The following AOPEP variants were observed in gnomAD, a reference collection of about 807,000 sequenced individuals.
AOPEP encodes the protein aminopeptidase O (putative), also known as aminopeptidase O.
A neutral mutation model predicts 98.1 loss-of-function variants in AOPEP; 77 were observed. That is an observed-to-expected ratio of 0.78 (90% confidence interval 0.65 to 0.95). The LOEUF (loss-of-function observed/expected upper bound fraction) is 0.95. Among genes scored for constraint, AOPEP ranks in the 40% least tolerant of loss-of-function variants. The pLI, the probability that AOPEP is intolerant of heterozygous loss-of-function variation, is 0.00. For missense variants in AOPEP, 1,024 were observed against 1,024.7 expected, an observed-to-expected ratio of 1.00 and a Z score of 0.01; for synonymous variants, 346 against 365.3, an observed-to-expected ratio of 0.95 and a Z score of 0.60.
the AOPEP span, among the ~76,000 whole-genome samples, chr9:95,142,975 G>A: frequency 1.3e-5 from 2 of 152,094 alleles, no homozygotes; most frequent in Admixed American, 1.3e-4. Context: ...ACAGGTTAAG[G>A]GCTCAGTCCC....
Position 94,968,017 on chromosome 9 carries a change from C to T in AOPEP, c.1916+216C>T, listed in dbSNP as rs568659319. Among the ~76,000 whole-genome samples, 3 of 152,176 alleles carry T rather than the reference C, an allele frequency of 2.0e-5. No individual in the cohort carries two copies. The South Asian group carries it at 6.2e-4, about 32-fold the overall frequency. On this transcript the variant is annotated intron_variant, in intron 10 of 16. Coordinates refer to ENST00000375315, the MANE Select transcript of AOPEP (RefSeq NM_001193329.3). ...AGCCAGTGTGCACGACTGAAGATCC[C>T]CAAAGTCAGGAGCCCCAAAAGTGAT...
intron 13 of AOPEP, among the ~76,000 whole-genome samples, chr9:95,036,401 C>T (rs1226673530): frequency 2.0e-5 from 3 of 152,180 alleles, no homozygotes; most frequent in Non-Finnish European, 2.9e-5. Context: ...AACTTTTAAA[C>T]AAATTCCTAA....
chr9:95,036,716 G>T (rs2064866400), intron 13 of AOPEP, among the ~76,000 whole-genome samples: 1 of 19,356 alleles, frequency 5.2e-5, no homozygotes, highest in Non-Finnish European at 2.4e-4. Context: ...TTTTTTTGTG[G>T]GGAATAAAAC....
intron 5 of AOPEP, among the ~76,000 whole-genome samples, chr9:94,885,763 A>G (rs1431536460): frequency 2.0e-5 from 3 of 152,204 alleles, no homozygotes; most frequent in Non-Finnish European, 4.4e-5. Context: ...AAATACATGT[A>G]TAGTAATCAT....
At chr9:95,084,146 G>T (rs147903509) in intron 16 of AOPEP, among the ~76,000 whole-genome samples, 4 of 151,882 alleles carry the variant, frequency 2.6e-5, no homozygotes, top group African/African-American at 9.7e-5. Flanking sequence ...AGCATTTTTC[G>T]TGTTATAGCT....
chr9:94,833,228 AC>A (rs1472975713), intron 5 of AOPEP, among the ~76,000 whole-genome samples: 1 of 111,948 alleles, frequency 8.9e-6, no homozygotes, highest in Non-Finnish European at 1.8e-5. Flanking sequence ...GAGCCACCAC[AC>A]CCGTCCTTTT....
intron 7 of AOPEP, among the ~76,000 whole-genome samples, chr9:94,948,896 G>C (rs1266904637): frequency 6.6e-6 from 1 of 152,144 alleles, no homozygotes; most frequent in East Asian, 1.9e-4. Context: ...TTCTCCACTA[G>C]CCCATCCTGA....
At chr9:94,889,140 C>G (rs1228329898) in intron 5 of AOPEP, among the ~76,000 whole-genome samples, 4 of 152,126 alleles carry the variant, frequency 2.6e-5, no homozygotes, top group African/African-American at 9.7e-5. Flanking sequence ...ATTACAGGTG[C>G]CCACCACCAC....
At chr9:95,014,441 C>G (rs1454798457) in intron 13 of AOPEP, among the ~76,000 whole-genome samples, 1 of 151,764 alleles carries the variant, frequency 6.6e-6, no homozygotes, top group Non-Finnish European at 1.5e-5. Flanking sequence ...CACTGCCTTC[C>G]AGCCTGGGTG....
chr9:94,936,283 C>T (rs1470631442), intron 7 of AOPEP, among the ~76,000 whole-genome samples: 1 of 152,160 alleles, frequency 6.6e-6, no homozygotes, highest in Non-Finnish European at 1.5e-5. Context: ...AGTCCCTGCA[C>T]ATCACCTCTG....
chr9:95,126,703 T>C, the AOPEP span: 2 of 989,792 alleles, frequency 2.0e-6, no homozygotes, highest in Non-Finnish European at 3.2e-6. Flanking sequence ...ATACTCCTTT[T>C]GGTTAGAAGA....
chr9:94,746,961 T>C (rs774343072), intron 1 of AOPEP, among the ~76,000 whole-genome samples: 1 of 152,162 alleles, frequency 6.6e-6, no homozygotes, highest in Non-Finnish European at 1.5e-5. Context: ...GGTCTTTGAC[T>C]GAGACTGACT....
intron 13 of AOPEP, among the ~76,000 whole-genome samples, chr9:95,020,778 TGTG>T (rs1236241016): frequency 6.6e-6 from 1 of 151,004 alleles, no homozygotes; most frequent in Non-Finnish European, 1.5e-5. Flanking sequence ...ATTAGCCAGG[TGTG>T]GTGGTGCATG....
intron 5 of AOPEP, among the ~76,000 whole-genome samples, chr9:94,842,868 AT>A (rs1215678463): frequency 6.6e-6 from 1 of 152,160 alleles, no homozygotes; most frequent in Non-Finnish European, 1.5e-5. Context: ...ATCCACCATC[AT>A]TCAAATTATT....
At chr9:95,057,987 C>T (rs2066980619) in intron 13 of AOPEP, among the ~76,000 whole-genome samples, 1 of 152,246 alleles carries the variant, frequency 6.6e-6, no homozygotes, top group Admixed American at 6.5e-5. Flanking sequence ...CCCTCCCTTA[C>T]TTCCATCTCG....
At chr9:94,829,754 T>C (rs903662358) in intron 5 of AOPEP, among the ~76,000 whole-genome samples, 4 of 152,140 alleles carry the variant, frequency 2.6e-5, no homozygotes, top group African/African-American at 9.7e-5. Context: ...CCATTACACC[T>C]ATATTTCCTT....
chr9:95,084,329 T>C (rs918007860), intron 16 of AOPEP, among the ~76,000 whole-genome samples: 2 of 152,230 alleles, frequency 1.3e-5, no homozygotes, highest in Non-Finnish European at 2.9e-5. Context: ...TAAAAAGTTT[T>C]TCAGAAGCAT....
intron 5 of AOPEP, among the ~76,000 whole-genome samples, chr9:94,896,991 C>T (rs1174782842): frequency 6.8e-6 from 1 of 146,074 alleles, no homozygotes; most frequent in African/African-American, 2.5e-5. Context: ...AATTAAAAAG[C>T]ACCAAAATTT....
chr9:94,984,495 A>G (rs1012552703), intron 11 of AOPEP, among the ~76,000 whole-genome samples: 1 of 152,226 alleles, frequency 6.6e-6, no homozygotes, highest in Non-Finnish European at 1.5e-5. Flanking sequence ...TAACACCCAA[A>G]TTGAGATGGA....
Sources: allele counts gnomAD v4.1 joint callset (sites outside exome capture counted in the v4.1 genomes callset), GRCh38; gene constraint gnomAD v4.1.1; transcripts MANE v1.5; gene names NCBI Gene and HGNC (gene_info 2026-07-23, HGNC 2026-07-21).